XYLT1: variants seen among roughly 807,000 people sequenced by gnomAD.
The protein encoded by XYLT1 is beta-D-xylosyltransferase 1.
XYLT1 carries 36 observed loss-of-function variants against 91.3 expected under a neutral mutation model. The observed-to-expected ratio is 0.39, with a 90% CI of 0.30 to 0.52. The LOEUF (loss-of-function observed/expected upper bound fraction) is 0.52. Ranked by LOEUF, XYLT1 falls within the 20% of genes least tolerant of loss-of-function variation. XYLT1 has a pLI of 0.68. For synonymous variants in XYLT1, 588 were observed against 532.0 expected (o/e 1.11, Z -1.45); for missense variants, 1,242 against 1,284.5 (o/e 0.97, Z 0.51).
rs148090918 is a variant in XYLT1 at position 17,111,227 on chromosome 16, GACT to G, written c.2558-2213_2558-2211del. ...TAAACAGTAACATGTACGTAAGAGT[GACT>G]ACTACTACTACCTCCCAGGGCTGCA... On this transcript the variant is annotated intron_variant, in intron 11 of 11. Coordinates refer to ENST00000261381, the MANE Select transcript of XYLT1 (RefSeq NM_022166.4). Among the ~76,000 whole-genome samples the G allele has an allele frequency of 7.6e-4, 115 of 152,220 alleles. No individual in the cohort carries two copies. The East Asian group carries it at 0.021, about 28-fold the overall frequency.
chr16:17,436,288 G>C (rs781379641), intron 1 of XYLT1, among the ~76,000 whole-genome samples: 1 of 152,198 alleles, frequency 6.6e-6, no homozygotes, highest in African/African-American at 2.4e-5. Context: ...CGGTCTAAGA[G>C]ATGAGCATGT....
intron 10 of XYLT1, among the ~76,000 whole-genome samples, chr16:17,119,844 C>T (rs1347810052): frequency 3.3e-5 from 5 of 152,244 alleles, no homozygotes; most frequent in Admixed American, 3.3e-4. Flanking sequence ...GCCTTCCATT[C>T]ATGAATTCAT....
chr16:17,361,919 C>T (rs538235924), intron 1 of XYLT1, among the ~76,000 whole-genome samples: 193 of 152,334 alleles, frequency 1.3e-3, no homozygotes, highest in African/African-American at 4.3e-3. Flanking sequence ...GGCTTAACTT[C>T]TATGCGTGTA....
intron 2 of XYLT1, among the ~76,000 whole-genome samples, chr16:17,280,079 G>A (rs2034034771): frequency 6.6e-6 from 1 of 152,196 alleles, no homozygotes; most frequent in Admixed American, 6.5e-5. Flanking sequence ...GGCTGGGCGT[G>A]GTGGCTCATG....
At chr16:17,318,050 G>A (rs1033762341) in intron 2 of XYLT1, among the ~76,000 whole-genome samples, 1 of 152,188 alleles carries the variant, frequency 6.6e-6, no homozygotes, top group African/African-American at 2.4e-5. Context: ...CTTGTTTGAA[G>A]CGTTCTTATG....
intron 8 of XYLT1, 132 bp downstream of exon 8, chr16:17,138,223 T>TAA (rs1185438874): frequency 4.5e-6 from 4 of 888,370 alleles, no homozygotes; most frequent in Non-Finnish European, 6.2e-6. Flanking sequence ...TACTGTTAAC[T>TAA]ATTATTAATT....
chr16:17,348,162 C>T (rs751018472), intron 2 of XYLT1, among the ~76,000 whole-genome samples: 3 of 151,920 alleles, frequency 2.0e-5, no homozygotes, highest in Non-Finnish European at 4.4e-5. Flanking sequence ...CTGGGGCTTG[C>T]GGGGGAAGAA....
intron 6 of XYLT1, among the ~76,000 whole-genome samples, chr16:17,142,926 A>G (rs2031024669): frequency 6.6e-6 from 1 of 152,158 alleles, no homozygotes; most frequent in South Asian, 2.1e-4. Context: ...ATTAAAAAAG[A>G]TATCATTTTC....
Position 17,288,093 on chromosome 16 carries a change from T to A in XYLT1, c.403-28595A>T, listed in dbSNP as rs1046052129. 2.6e-5 allele frequency among the ~76,000 whole-genome samples: 4 copies of A among 151,520 alleles called. 1 individual carries two copies. Among genetic ancestry groups the A allele is most frequent in the African/African-American group, 2.4e-5 (1 of 41,208 alleles). ...TACAGGCATACACCACCAGCTAATT[T>A]ATTTATTTATTTGTAGTAGAAGATG... On this transcript the variant is annotated intron_variant, in intron 2 of 11. Transcript: ENST00000261381.
intron 11 of XYLT1, among the ~76,000 whole-genome samples, chr16:17,116,575 G>C (rs1966852717): frequency 6.6e-6 from 1 of 152,252 alleles, no homozygotes; most frequent in Non-Finnish European, 1.5e-5. Context: ...CTCCTTTCCA[G>C]TGTCAGGCAA....
intron 1 of XYLT1, among the ~76,000 whole-genome samples, chr16:17,362,996 T>C (rs2035404649): frequency 6.6e-6 from 1 of 152,184 alleles, no homozygotes. Flanking sequence ...GCCCTCTAAT[T>C]AAGGCCAGAA....
At chr16:17,193,677 A>C (rs1361408761) in intron 5 of XYLT1, 1 of 152,208 alleles carries the variant, frequency 6.6e-6, no homozygotes, top group African/African-American at 2.4e-5. Flanking sequence ...CGCCCCTTTG[A>C]GAAGACTCCT....
chr16:17,122,786 T>G (rs542095191), intron 10 of XYLT1, among the ~76,000 whole-genome samples: 1 of 152,336 alleles, frequency 6.6e-6, no homozygotes, highest in South Asian at 2.1e-4. Context: ...AGGATTCGGT[T>G]CCATTCTTCT....
chr16:17,200,218 A>AC lies in XYLT1; in HGVS notation c.1086+263_1086+264insG, dbSNP rs1480761253. ...CCTGGTGACTGAGCGACATTCCATC[A>AC]AAAAAAAAAGAAAAAAAACCCCCCA... On this transcript the variant is annotated intron_variant, in intron 4 of 11. Transcript: ENST00000261381. Among the ~76,000 whole-genome samples the AC allele has an allele frequency of 1.0e-4, 3 of 29,310 alleles. No individual in the cohort carries two copies. In the African/African-American group the frequency reaches 1.8e-3, roughly 17 times the overall value. 19.2% of individuals were successfully genotyped at this position (29,310 alleles called of 152,430 possible). A position where few individuals can be genotyped will look rare whatever the true frequency, so the allele number is the denominator to read the frequency against.
At chr16:17,126,428 G>T (rs2030263077) in intron 10 of XYLT1, among the ~76,000 whole-genome samples, 1 of 152,170 alleles carries the variant, frequency 6.6e-6, no homozygotes, top group Non-Finnish European at 1.5e-5. Context: ...TATGGAATGG[G>T]CTCCCTTGGC....
At chr16:17,265,843 G>T (rs907994193) in intron 2 of XYLT1, among the ~76,000 whole-genome samples, 8 of 150,010 alleles carry the variant, frequency 5.3e-5, no homozygotes, top group African/African-American at 2.0e-4. Flanking sequence ...GTGGGGGTGG[G>T]TTGCCGTGAT....
Position 17,311,056 on chromosome 16 carries a change from T to C in XYLT1, c.402+46956A>G, listed in dbSNP as rs569967168. ...ACGCATCTTGTTTCCAGCCCCAAAC[T>C]TGATGAAGATGGGGCTCCCTTCCTT... On this transcript the variant is annotated intron_variant, in intron 2 of 11. Coordinates refer to ENST00000261381, the MANE Select transcript of XYLT1 (RefSeq NM_022166.4). Among the ~76,000 whole-genome samples the C allele has an allele frequency of 4.6e-5, 7 of 152,232 alleles. No homozygotes were observed. The East Asian group carries it at 1.4e-3, about 29-fold the overall frequency.
chr16:17,176,255 C>G lies in XYLT1; in HGVS notation c.1290-17346G>C, dbSNP rs188569655. Among the ~76,000 whole-genome samples, 3 of 152,374 alleles carry G rather than the reference C, an allele frequency of 2.0e-5. No homozygotes were observed. The East Asian group carries it at 5.8e-4, about 29-fold the overall frequency. Reference sequence around the variant, plus strand: ...GTGGTGAGCAAAACAGATGTCATCTCTCCACTTGTGGAACTGTCACCCGGG... The same window carrying G: ...GTGGTGAGCAAAACAGATGTCATCTGTCCACTTGTGGAACTGTCACCCGGG... On this transcript the variant is annotated intron_variant, in intron 5 of 11. Transcript: ENST00000261381.
At chr16:17,127,603 G>C in intron 10 of XYLT1, 63 bp downstream of exon 10, 4 of 1,537,740 alleles carry the variant, frequency 2.6e-6, no homozygotes, top group East Asian at 2.2e-5. Flanking sequence ...TCAGATAGTG[G>C]AGTAGAATCT....
Sources: gnomAD v4.1 joint callset for allele counts (sites outside exome capture counted in the v4.1 genomes callset) on GRCh38, gnomAD v4.1.1 for gene constraint, MANE v1.5 for transcripts, NCBI Gene and HGNC (gene_info 2026-07-23, HGNC 2026-07-21) for gene names.